Variants in VWA3B observed in about 807,000 individuals in gnomAD.
VWA3B encodes von Willebrand factor A domain-containing protein 3B.
In VWA3B, 138 loss-of-function variants were observed where a neutral mutation model predicts 158.3. That is an observed-to-expected ratio of 0.87 (90% CI 0.76 to 1.00). The LOEUF is 1.00. Among genes scored for constraint, VWA3B ranks in the 50% least tolerant of loss-of-function variants. The pLI, the probability that VWA3B is intolerant of heterozygous loss-of-function variation, is 0.00. For synonymous variants in VWA3B, 596 were observed against 587.3 expected (o/e 1.01, Z -0.21); for missense variants, 1,555 against 1,565.1 (o/e 0.99, Z 0.11).
chr2:98,222,203 T>C (rs1184501514), intron 14 of VWA3B, among the ~76,000 whole-genome samples: 1 of 152,106 alleles, frequency 6.6e-6, no homozygotes, highest in East Asian at 1.9e-4. Flanking sequence ...CTTCCTACCC[T>C]TAAGAGAAAA....
chr2:98,309,270 A>G (rs1019019889), intron 26 of VWA3B, among the ~76,000 whole-genome samples: 1 of 152,220 alleles, frequency 6.6e-6, no homozygotes, highest in Non-Finnish European at 1.5e-5. Context: ...GGAAAGCAAA[A>G]TAGGACTCAG....
intron 12 of VWA3B, 45 bp from the exon 13 acceptor site, chr2:98,211,884 CT>C (rs752361935): frequency 1.3e-6 from 2 of 1,525,850 alleles, no homozygotes; most frequent in East Asian, 2.3e-5. Flanking sequence ...TTTGTGAATT[CT>C]TTTTTGGGAT....
chr2:98,227,425 C>T (rs1316527834), intron 14 of VWA3B, among the ~76,000 whole-genome samples: 1 of 152,170 alleles, frequency 6.6e-6, no homozygotes. Context: ...AAGCCGACGT[C>T]CATGCAAAGA....
chr2:98,244,506 C>T (rs1260656551), intron 19 of VWA3B, among the ~76,000 whole-genome samples: 1 of 152,068 alleles, frequency 6.6e-6, no homozygotes, highest in East Asian at 1.9e-4. Flanking sequence ...CATTTCATCC[C>T]ATGTCTCAAC....
chr2:98,135,063 T>G (rs1370304827), intron 7 of VWA3B, among the ~76,000 whole-genome samples: 1 of 152,092 alleles, frequency 6.6e-6, no homozygotes, highest in African/African-American at 2.4e-5. Flanking sequence ...AAGAAGAAAT[T>G]AATTCAGGAT....
At chr2:98,119,481 T>C in intron 3 of VWA3B, 32 bp from the exon 4 acceptor site, 1 of 1,607,912 alleles carries the variant, frequency 6.2e-7, no homozygotes, top group Non-Finnish European at 8.5e-7. Flanking sequence ...TTTGGTGTTG[T>C]TTTATTGTTT....
chr2:98,143,835 C>T (rs1676970613), intron 7 of VWA3B, among the ~76,000 whole-genome samples: 1 of 150,736 alleles, frequency 6.6e-6, no homozygotes, highest in African/African-American at 2.4e-5. Flanking sequence ...ACTGCAGCCT[C>T]AACCTCCTTT....
chr2:98,210,673 G>C, intron 12 of VWA3B, among the ~76,000 whole-genome samples: 1 of 152,150 alleles, frequency 6.6e-6, no homozygotes, highest in South Asian at 2.1e-4. Context: ...TGCCTTGGGT[G>C]GGGTGGGGGC....
the VWA3B span, among the ~76,000 whole-genome samples, chr2:98,319,634 C>G: frequency 1.3e-5 from 2 of 152,172 alleles, no homozygotes; most frequent in South Asian, 2.1e-4. Context: ...AATCCCAACA[C>G]TTTGGGAGTC....
intron 9 of VWA3B, among the ~76,000 whole-genome samples, chr2:98,181,987 T>A (rs968412711): frequency 2.0e-5 from 3 of 152,170 alleles, no homozygotes; most frequent in Non-Finnish European, 4.4e-5. Flanking sequence ...GACTAAGAAG[T>A]GTCCCAATGT....
chr2:98,276,897 T>C (rs1688560978), intron 22 of VWA3B, among the ~76,000 whole-genome samples: 1 of 152,204 alleles, frequency 6.6e-6, no homozygotes, highest in African/African-American at 2.4e-5. Flanking sequence ...ATAGCTGCCT[T>C]GCCGATTCCT....
intron 5 of VWA3B, among the ~76,000 whole-genome samples, chr2:98,123,847 T>A (rs1318911870): frequency 1.3e-5 from 2 of 152,182 alleles, no homozygotes; most frequent in Non-Finnish European, 2.9e-5. Flanking sequence ...GAAGGCTGTT[T>A]ACCCAGAGCC....
chr2:98,292,213 G>A (rs1689537886), intron 23 of VWA3B: 1 of 152,164 alleles, frequency 6.6e-6, no homozygotes, highest in African/African-American at 2.4e-5. Flanking sequence ...ACTCCAGCCT[G>A]GGCGGCAAAG....
intron 4 of VWA3B, 81 bp downstream of exon 4, chr2:98,119,844 C>CTGTGTCAGCTGTGCT: frequency 6.5e-7 from 1 of 1,530,724 alleles, no homozygotes; most frequent in Non-Finnish European, 8.9e-7. Context: ...GCACAGCTGA[C>CTGTGTCAGCTGTGCT]ACAGTTAGCT....
chr2:98,290,609 C>A lies in VWA3B; in HGVS notation c.3144C>A (p.Gly1048=). ...TTATTGCAAGATGTGATGAAAATGGCTTTTATTTTCCAGGTAGTTTTTTTT... is the reference window on the plus strand; with the variant it reads ...TTATTGCAAGATGTGATGAAAATGGATTTTATTTTCCAGGTAGTTTTTTTT... ...QKVIARCDEN[G]FYFPGVVKKC... The change falls in exon 23 of 28, where the codon GGC becomes GGA. Residue 1048 remains glycine, a synonymous_variant. Transcript: ENST00000477737. 9 of 1,589,974 alleles carry A rather than the reference C, an allele frequency of 5.7e-6. No individual in the cohort carries two copies. Among genetic ancestry groups the A allele is most frequent in the Non-Finnish European group, 6.0e-6 (7 of 1,170,110 alleles).
chr2:98,144,077 C>A (rs1203365605), intron 7 of VWA3B, among the ~76,000 whole-genome samples: 1 of 151,666 alleles, frequency 6.6e-6, no homozygotes, highest in East Asian at 1.9e-4. Flanking sequence ...ATAATGTTTA[C>A]CTTATAGGTT....
chr2:98,235,106 A>C (rs1342205390), intron 17 of VWA3B, among the ~76,000 whole-genome samples: 1 of 152,100 alleles, frequency 6.6e-6, no homozygotes, highest in Non-Finnish European at 1.5e-5. Flanking sequence ...CTATCAGATG[A>C]GCCCCTCTCT....
intron 21 of VWA3B, among the ~76,000 whole-genome samples, chr2:98,256,729 G>A (rs1046991037): frequency 1.3e-5 from 2 of 152,084 alleles, no homozygotes; most frequent in African/African-American, 4.8e-5. Flanking sequence ...CTTGTCACAT[G>A]GTAATTCTAT....
At chr2:98,161,529 G>A (rs7605986) in intron 7 of VWA3B, among the ~76,000 whole-genome samples, 38,313 of 152,152 alleles carry the variant, frequency 0.25, 6,195 homozygotes, top group African/African-American at 0.46. Flanking sequence ...ACAGAAGGAT[G>A]TGCTGAGATG....
Sources: allele counts gnomAD v4.1 joint callset (sites outside exome capture counted in the v4.1 genomes callset), GRCh38; gene constraint gnomAD v4.1.1; transcripts MANE v1.5; gene names NCBI Gene and HGNC (gene_info 2026-07-23, HGNC 2026-07-21).